The following COX6B2 variants were observed in gnomAD, a reference collection of about 807,000 sequenced individuals.
COX6B2 encodes the protein COX VIb-2.
A neutral mutation model predicts 13.7 loss-of-function variants in COX6B2; 12 were observed. That is an observed-to-expected ratio of 0.87 (90% CI 0.56 to 1.41). The LOEUF is 1.41. Ranked by LOEUF, COX6B2 falls within the 40% of genes most tolerant of loss-of-function variation. The pLI is 0.00. For missense variants in COX6B2, 130 were observed against 118.3 expected (o/e 1.10, Z -0.46); for synonymous variants, 56 against 46.6 (o/e 1.20, Z -0.82).
chr19:55,354,344 A>C, intron 2 of COX6B2, 66 bp downstream of exon 2: 2 of 1,093,190 alleles, frequency 1.8e-6, no homozygotes, highest in Non-Finnish European at 2.6e-6. Flanking sequence ...TTAGGGTGGG[A>C]GTGCCCCTCC....
rs1432370018 is a variant in COX6B2 at position 55,353,930 on chromosome 19, C to T, written c.149G>A (p.Gly50Glu). The T allele has an allele frequency of 6.4e-7, 1 of 1,561,316 alleles. No homozygotes were observed. The highest frequency in any genetic ancestry group is 8.7e-7 in the Non-Finnish European group (1 of 1,155,080). ...GTACTCGCAGGGCTGCGTGCTCTTCCCGCGGCGGGTCCTGGTCTTGAGGCA... is the reference window on the plus strand; with the variant it reads ...GTACTCGCAGGGCTGCGTGCTCTTCTCGCGGCGGGTCCTGGTCTTGAGGCA... ...HRCLKTRTRR[G>E]KSTQPCEYYF... Residue 50 changes from glycine (G) to glutamate (E), a missense_variant, in exon 3 of 5, where the codon GGG becomes GAG. Gly to Glu is a moderately conservative substitution (Grantham distance 98). Transcript: ENST00000326529.
rs2089666036 is a variant in COX6B2, at chr19:55,350,883, T to C, written c.*115-83A>G. On this transcript the variant is annotated intron_variant, in intron 4 of 4. Coordinates refer to ENST00000326529, the MANE Select transcript of COX6B2 (RefSeq NM_144613.5). The surrounding 1 kb of genome is among the most constrained non-coding windows in gnomAD (Gnocchi z 4.2). ...TGGGTGTGTGGCACTAGAACTGCTC[T>C]CAGCCTTTGGCAGGCAGGCAGGGCC... 1 of 152,348 alleles carries C rather than the reference T, an allele frequency of 6.6e-6. No individual in the cohort carries two copies. The highest frequency in any genetic ancestry group is 2.4e-5 in the African/African-American group (1 of 41,472). 9.4% of individuals were successfully genotyped at this position (152,348 alleles called of 1,614,324 possible).
At chr19:55,354,193 G>GC (rs903436396) in intron 2 of COX6B2, 22 of 629,252 alleles carry the variant, frequency 3.5e-5, no homozygotes, top group Non-Finnish European at 5.0e-5. Context: ...TCACGACTCG[G>GC]CCCCGCACCT....
chr19:55,351,884 G>C (rs1754067973), intron 4 of COX6B2: 1 of 152,920 alleles, frequency 6.5e-6, no homozygotes, highest in Non-Finnish European at 1.5e-5. Context: ...CAGTGGGGCA[G>C]TGGCGGCTGC....
chr19:55,350,457 TGGAG>T lies in COX6B2; in HGVS notation c.*454_*457del, dbSNP rs2089662991. ...ACCATTCCCTGTCCTTGTCGCAGCATGGAGGGTCAGGACAGCCTTAGGGACGTGG... is the reference window on the plus strand; with the variant it reads ...ACCATTCCCTGTCCTTGTCGCAGCATGGTCAGGACAGCCTTAGGGACGTGG... On this transcript the variant is annotated 3_prime_UTR_variant, in exon 5 of 5. Coordinates refer to ENST00000326529, the MANE Select transcript of COX6B2 (RefSeq NM_144613.5). This position sits in a 1 kb window ranked among gnomAD's most constrained non-coding sequence, Gnocchi z 4.2. 1 of 152,358 alleles carries T rather than the reference TGGAG, an allele frequency of 6.6e-6. No homozygotes were observed. The highest frequency in any genetic ancestry group is 6.5e-5 in the Admixed American group (1 of 15,282). The allele number at this position is 152,358 out of a possible 1,614,324, so 9.4% of individuals were successfully genotyped here.
At position 55,350,210 on chromosome 19, in the gene COX6B2, T is replaced by C. The variant is rs1041438646; in HGVS notation, c.*705A>G. On this transcript the variant is annotated 3_prime_UTR_variant, in exon 5 of 5. Transcript: ENST00000326529. The surrounding 1 kb of genome is among the most constrained non-coding windows in gnomAD (Gnocchi z 4.2). ...TTTCCTGGCCTCCGCACTGCTGCCA[T>C]GCTGAGCTGGTGTTTCTAGGCAGGG... is the stretch of plus-strand genomic sequence containing the variant. 6.6e-6 allele frequency: 1 copy of C among 152,276 alleles called. No individual in the cohort carries two copies. Among genetic ancestry groups the C allele is most frequent in the Non-Finnish European group, 1.5e-5 (1 of 68,066 alleles). The allele number at this position is 152,276 out of a possible 1,614,324, so 9.4% of individuals were successfully genotyped here.
intron 4 of COX6B2, chr19:55,353,211 G>C (rs1436385506): frequency 4.8e-6 from 1 of 208,336 alleles, no homozygotes; most frequent in African/African-American, 2.4e-5. Flanking sequence ...GATGGATCAG[G>C]GGTGGGATGG....
Position 55,349,820 on chromosome 19 carries a change from AC to A in COX6B2, c.*1094del, listed in dbSNP as rs2089657353. On this transcript the variant is annotated 3_prime_UTR_variant, in exon 5 of 5. Transcript: ENST00000326529. ...CTCCTCTGCCCCCACCCCACCCCCA[AC>A]AAAAAGGGCTAAAAACTAGTGGTGA... is the stretch of plus-strand genomic sequence containing the variant. The A allele has an allele frequency of 6.6e-6, 1 of 152,132 alleles. No individual in the cohort carries two copies. Among genetic ancestry groups the A allele is most frequent in the Non-Finnish European group, 1.5e-5 (1 of 68,056 alleles). The allele number at this position is 152,132 out of a possible 1,614,324, so 9.4% of individuals were successfully genotyped here. A position where few individuals can be genotyped will look rare whatever the true frequency, so the allele number is the denominator to read the frequency against.
chr19:55,353,502 C>G, intron 4 of COX6B2, 105 bp downstream of exon 4: 1 of 601,444 alleles, frequency 1.7e-6, no homozygotes. Flanking sequence ...TGCCCCTTAT[C>G]GGAAAAAGCA....
rs779754280 is a variant in COX6B2, at chr19:55,353,715, G to A, written c.*6C>T. 1.9e-6 allele frequency: 3 copies of A among 1,608,966 alleles called. No individual in the cohort carries two copies. The highest frequency in any genetic ancestry group is 2.5e-6 in the Non-Finnish European group (3 of 1,177,424). ...TGCATCTTCAGAGGAAGCCGCGCTG[G>A]GGCAGTCAGATTTTGCCGGCGAAAA... On this transcript the variant is annotated 3_prime_UTR_variant, in exon 4 of 5. Coordinates refer to ENST00000326529, the MANE Select transcript of COX6B2 (RefSeq NM_144613.5).
At position 55,350,760 on chromosome 19, in the gene COX6B2, G is replaced by A. The variant is rs2089665178; in HGVS notation, c.*155C>T. 6.6e-6 allele frequency: 1 copy of A among 152,450 alleles called. No individual in the cohort carries two copies. 9.4% of individuals were successfully genotyped at this position (152,450 alleles called of 1,614,324 possible). On this transcript the variant is annotated 3_prime_UTR_variant, in exon 5 of 5. Coordinates refer to ENST00000326529, the MANE Select transcript of COX6B2 (RefSeq NM_144613.5). The surrounding 1 kb of genome is among the most constrained non-coding windows in gnomAD (Gnocchi z 4.2). ...GCCTGAGAACCCCATCATACACGTGGAGACCAGAGCAAGGGAAACAAGGAA... is the reference window on the plus strand; with the variant it reads ...GCCTGAGAACCCCATCATACACGTGAAGACCAGAGCAAGGGAAACAAGGAA...
In COX6B2 at chr19:55,354,415, AAGTTCTGGT is replaced by A. The variant is rs747694115; in HGVS notation, c.98_106del (p.Tyr33_Asn35del). 1.9e-6 allele frequency: 3 copies of A among 1,611,566 alleles called. No homozygotes were observed. The highest frequency in any genetic ancestry group is 2.5e-6 in the Non-Finnish European group (3 of 1,179,002). ...CCTGGCTGAGCAGGTCTCACCCAGG[AAGTTCTGGT>A]AGCAGTTACGGATCTGGTTCTGGCT... On this transcript the variant is annotated inframe_deletion, in exon 2 of 5. Transcript: ENST00000326529.
At chr19:55,354,285 C>T in intron 2 of COX6B2, 125 bp downstream of exon 2, 1 of 891,154 alleles carries the variant, frequency 1.1e-6, no homozygotes, top group Non-Finnish European at 1.8e-6. Context: ...GCCCCGCCCC[C>T]ACCAACCCGG....
chr19:55,353,846 C>G lies in COX6B2; in HGVS notation c.213+20G>C. 1 of 1,581,744 alleles carries G rather than the reference C, an allele frequency of 6.3e-7. No homozygotes were observed. Among genetic ancestry groups the G allele is most frequent in the Non-Finnish European group, 8.6e-7 (1 of 1,164,320 alleles). On this transcript the variant is annotated intron_variant, in intron 3 of 4. Transcript: ENST00000326529. The stretch of plus-strand genomic sequence containing the variant: ...CGAGCCCTGCACACGCCTGGCCCGG[C>G]GCCCCCTCTGCCGACTCACCCAGCT...
In COX6B2 at chr19:55,353,676, A is replaced by G. The variant is rs1447660604; in HGVS notation, c.*45T>C. On this transcript the variant is annotated 3_prime_UTR_variant, in exon 4 of 5. Coordinates refer to ENST00000326529, the MANE Select transcript of COX6B2 (RefSeq NM_144613.5). ...AGACCCGGGGCTCCGCGAGACAAAA[A>G]GATGCAGGATCACTGCATCTTCAGA... 1 of 1,585,930 alleles carries G rather than the reference A, an allele frequency of 6.3e-7. No homozygotes were observed. The highest frequency in any genetic ancestry group is 1.7e-4 in the Middle Eastern group (1 of 6,000).
chr19:55,354,294 G>GGCCCCGCCCCCACCAACCCC, intron 2 of COX6B2, 116 bp downstream of exon 2: 1 of 363,670 alleles, frequency 2.7e-6, no homozygotes, highest in African/African-American at 5.2e-5. Flanking sequence ...CCACCAACCC[G>GGCCCCGCCCCCACCAACCCC]GCCCCGCCCG....
chr19:55,354,060 C>T (rs1171899451), intron 2 of COX6B2, 94 bp from the exon 3 acceptor site: 1 of 1,150,188 alleles, frequency 8.7e-7, no homozygotes, highest in Non-Finnish European at 1.2e-6. Context: ...TTCGCTGCTT[C>T]GTCCCGCCTC....
At chr19:55,353,342 G>C (rs1315893906) in intron 4 of COX6B2, 4 of 368,216 alleles carry the variant, frequency 1.1e-5, no homozygotes, top group African/African-American at 8.5e-5. Flanking sequence ...ACAGTGTTGA[G>C]AACTGGGGAC....
intron 4 of COX6B2, chr19:55,353,074 G>A (rs2089680390): frequency 6.4e-6 from 1 of 155,768 alleles, no homozygotes; most frequent in Non-Finnish European, 1.4e-5. Flanking sequence ...CGATGTTCTG[G>A]GAGGGGAAAT....
Sources: gnomAD v4.1 joint callset for allele counts on GRCh38, gnomAD v4.1.1 for gene constraint, Gnocchi (gnomAD v3.1) non-coding constraint, MANE v1.5 for transcripts, NCBI Gene and HGNC (gene_info 2026-07-23, HGNC 2026-07-21) for gene names.